Variants in SPTLC3 observed in about 807,000 individuals in gnomAD.
The protein encoded by SPTLC3 is serine palmitoyltransferase long chain base subunit 3.
In SPTLC3, 36 loss-of-function variants were observed where a neutral mutation model predicts 59.3. The observed-to-expected ratio is 0.61, with a 90% CI of 0.47 to 0.80. The LOEUF is 0.80. SPTLC3 is among the 30% of genes least tolerant of loss of function. The pLI, the probability that SPTLC3 is intolerant of heterozygous loss-of-function variation, is 0.00. For synonymous variants in SPTLC3, 257 were observed against 240.8 expected, an observed-to-expected ratio of 1.07 and a Z score of -0.62; for missense variants, 625 against 685.1, an observed-to-expected ratio of 0.91 and a Z score of 0.98.
At chr20:13,081,158 C>T (rs916139826) in intron 4 of SPTLC3, among the ~76,000 whole-genome samples, 2 of 152,152 alleles carry the variant, frequency 1.3e-5, no homozygotes, top group Admixed American at 6.5e-5. Context: ...TGCTCCCTCC[C>T]GCCTTTGCCA....
intron 8 of SPTLC3, 90 bp downstream of exon 8, chr20:13,117,815 A>T (rs181160033): frequency 2.4e-6 from 3 of 1,246,122 alleles, no homozygotes; most frequent in Non-Finnish European, 3.3e-6. Flanking sequence ...GAAAGCTTCA[A>T]TTCAGTTCAC....
At chr20:13,078,149 G>T (rs1222319497) in intron 4 of SPTLC3, among the ~76,000 whole-genome samples, 2 of 144,866 alleles carry the variant, frequency 1.4e-5, no homozygotes, top group African/African-American at 2.5e-5. Context: ...ACATATTTTT[G>T]TAAGTAACAT....
intron 7 of SPTLC3, among the ~76,000 whole-genome samples, chr20:13,113,853 C>T (rs1160062175): frequency 6.6e-6 from 1 of 152,194 alleles, no homozygotes; most frequent in Non-Finnish European, 1.5e-5. Context: ...GCTCTTCTTC[C>T]ATCCAGAAAG....
chr20:13,070,671 G>C (rs934488528), intron 2 of SPTLC3, among the ~76,000 whole-genome samples: 1 of 152,018 alleles, frequency 6.6e-6, no homozygotes, highest in Non-Finnish European at 1.5e-5. Context: ...CAAATGCTTC[G>C]GGTCCTCAAG....
chr20:13,122,548 C>T (rs567565225), intron 8 of SPTLC3, among the ~76,000 whole-genome samples: 1 of 152,326 alleles, frequency 6.6e-6, no homozygotes, highest in Admixed American at 6.5e-5. Context: ...CCTTGTTCTA[C>T]CACCTTTTGG....
chr20:13,015,586 G>A (rs1230788490), intron 1 of SPTLC3, among the ~76,000 whole-genome samples: 1 of 152,128 alleles, frequency 6.6e-6, no homozygotes, highest in Non-Finnish European at 1.5e-5. Flanking sequence ...TAACCTATCA[G>A]TTTCTGTGTA....
At chr20:13,018,439 G>T (rs1272349125) in intron 1 of SPTLC3, among the ~76,000 whole-genome samples, 1 of 152,166 alleles carries the variant, frequency 6.6e-6, no homozygotes, top group Admixed American at 6.5e-5. Flanking sequence ...CTTAACCAGA[G>T]ATGAGTGTCC....
intron 10 of SPTLC3, among the ~76,000 whole-genome samples, chr20:13,156,468 G>A (rs1036966564): frequency 2.6e-5 from 4 of 152,160 alleles, no homozygotes; most frequent in African/African-American, 9.6e-5. Flanking sequence ...AAAGAAATTT[G>A]ATTCTTCCTC....
chr20:13,141,678 G>T (rs2038386818), intron 9 of SPTLC3, among the ~76,000 whole-genome samples: 1 of 152,180 alleles, frequency 6.6e-6, no homozygotes, highest in South Asian at 2.1e-4. Flanking sequence ...TTGCCACTTG[G>T]TTGCCAGCTG....
At chr20:13,142,716 C>T (rs2038414237) in intron 9 of SPTLC3, among the ~76,000 whole-genome samples, 1 of 152,170 alleles carries the variant, frequency 6.6e-6, no homozygotes, top group Non-Finnish European at 1.5e-5. Flanking sequence ...TTATCTGGAG[C>T]TCAGGCACCT....
Position 13,043,799 on chromosome 20 carries a change from T to C in SPTLC3, c.118-5146T>C, listed in dbSNP as rs190360051. Among the ~76,000 whole-genome samples, 40 of 152,332 alleles carry C rather than the reference T, an allele frequency of 2.6e-4. 2 individuals are homozygous for C. The South Asian group carries it at 3.3e-3, about 13-fold the overall frequency. On this transcript the variant is annotated intron_variant, in intron 1 of 11. Transcript: ENST00000399002. ...CTCTCTGTCCTCTTCCCTACCACTATACTTCTTTAATAAGTCATCTCAGCT... is the reference window on the plus strand; with the variant it reads ...CTCTCTGTCCTCTTCCCTACCACTACACTTCTTTAATAAGTCATCTCAGCT...
chr20:13,095,118 C>A (rs889426672), intron 6 of SPTLC3, among the ~76,000 whole-genome samples: 1 of 152,152 alleles, frequency 6.6e-6, no homozygotes, highest in African/African-American at 2.4e-5. Context: ...ACAAGGAATG[C>A]CTTTGGTATT....
chr20:13,029,023 A>G (rs903011802), intron 1 of SPTLC3, among the ~76,000 whole-genome samples: 76 of 152,288 alleles, frequency 5.0e-4, no homozygotes, highest in African/African-American at 1.8e-3. Context: ...ACATCACAAA[A>G]CCAGAAACAA....
chr20:13,146,574 TATC>T (rs974728047), intron 9 of SPTLC3, among the ~76,000 whole-genome samples: 8 of 152,238 alleles, frequency 5.3e-5, no homozygotes, highest in African/African-American at 1.4e-4. Context: ...TATTATATCT[TATC>T]ATTCATTTTA....
intron 2 of SPTLC3, among the ~76,000 whole-genome samples, chr20:13,063,913 C>T (rs1236731447): frequency 6.6e-6 from 1 of 152,108 alleles, no homozygotes; most frequent in Non-Finnish European, 1.5e-5. Context: ...GCCTCGGCCT[C>T]CCAAAATGCT....
intron 1 of SPTLC3, among the ~76,000 whole-genome samples, chr20:13,032,854 T>C (rs901306342): frequency 1.3e-5 from 2 of 152,150 alleles, no homozygotes; most frequent in Non-Finnish European, 2.9e-5. Context: ...CTCAAGATGA[T>C]GGGAAATTAA....
chr20:13,164,391 T>C (rs1200317355), intron 11 of SPTLC3: 1 of 475,896 alleles, frequency 2.1e-6, no homozygotes, highest in Admixed American at 2.3e-5. Context: ...TAACTTCAAA[T>C]GCATTCTGCA....
chr20:13,155,796 A>T (rs2122970850), intron 10 of SPTLC3, among the ~76,000 whole-genome samples: 1 of 152,300 alleles, frequency 6.6e-6, no homozygotes, highest in Middle Eastern at 3.4e-3. Flanking sequence ...ACTGCACTCT[A>T]GCCAGGGCAA....
intron 10 of SPTLC3, among the ~76,000 whole-genome samples, chr20:13,154,451 C>A (rs995644108): frequency 6.6e-6 from 1 of 152,158 alleles, no homozygotes; most frequent in Non-Finnish European, 1.5e-5. Context: ...GACCCAAGAT[C>A]GTTCTCAGGG....
Sources: allele counts gnomAD v4.1 joint callset (sites outside exome capture counted in the v4.1 genomes callset), GRCh38; gene constraint gnomAD v4.1.1; transcripts MANE v1.5; gene names NCBI Gene and HGNC (gene_info 2026-07-23, HGNC 2026-07-21).